EML6: variants seen among roughly 807,000 people sequenced by gnomAD.
EML6 encodes the protein EMAP like 6.
Under a neutral mutation model 240.1 loss-of-function variants are expected in EML6, and 154 were observed. That is an observed-to-expected ratio of 0.64 (90% CI 0.56 to 0.73). The LOEUF (loss-of-function observed/expected upper bound fraction) is 0.73, where lower values mean the gene tolerates loss of function less well. EML6 is among the 30% of genes least tolerant of loss of function. EML6 has a pLI of 0.00. For synonymous variants in EML6, 1,148 were observed against 899.0 expected, an observed-to-expected ratio of 1.28 and a Z score of -4.95; for missense variants, 2,964 against 2,474.6, an observed-to-expected ratio of 1.20 and a Z score of -4.20.
At chr2:54,780,929 A>G (rs957098018) in intron 2 of EML6, among the ~76,000 whole-genome samples, 3 of 152,204 alleles carry the variant, frequency 2.0e-5, no homozygotes, top group African/African-American at 7.2e-5. Context: ...ATGCTTATTT[A>G]TAATTCTTTG....
intron 2 of EML6, among the ~76,000 whole-genome samples, chr2:54,800,212 T>C (rs1670053098): frequency 6.6e-6 from 1 of 152,158 alleles, no homozygotes; most frequent in South Asian, 2.1e-4. Context: ...ACTACTGCAC[T>C]CCAGCCTGAC....
In EML6 at chr2:54,724,814, C is replaced by G. The variant is rs1682828512; in HGVS notation, c.-248C>G. The G allele has an allele frequency of 6.1e-6, 1 of 163,824 alleles. No homozygotes were observed. Among genetic ancestry groups the G allele is most frequent in the South Asian group, 2.0e-4 (1 of 4,986 alleles). 10.1% of individuals were successfully genotyped at this position (163,824 alleles called of 1,614,324 possible). On this transcript the variant is annotated 5_prime_UTR_variant, in exon 2 of 42. Transcript: ENST00000356458. This position sits in a 1 kb window ranked among gnomAD's most constrained non-coding sequence, Gnocchi z 5.2. Reference sequence around the variant, plus strand: ...CCGGTGCCGGCGCCCCCAGAGCCGCCTTGCCCGGGTAGAGGGAGCCCGGCG... The same window carrying G: ...CCGGTGCCGGCGCCCCCAGAGCCGCGTTGCCCGGGTAGAGGGAGCCCGGCG...
chr2:54,888,541 G>T (rs1334443441), intron 17 of EML6, among the ~76,000 whole-genome samples: 3 of 152,036 alleles, frequency 2.0e-5, no homozygotes, highest in African/African-American at 7.3e-5. Flanking sequence ...TCTGTATACT[G>T]TGGCAACCAC....
intron 12 of EML6, among the ~76,000 whole-genome samples, chr2:54,861,183 C>T (rs893428836): frequency 2.6e-5 from 4 of 152,168 alleles, no homozygotes; most frequent in Non-Finnish European, 5.9e-5. Context: ...ACTTCATGAG[C>T]CTTTGCTCTG....
chr2:54,803,312 C>T (rs1452472966), intron 2 of EML6, among the ~76,000 whole-genome samples: 1 of 152,166 alleles, frequency 6.6e-6, no homozygotes, highest in Admixed American at 6.5e-5. Flanking sequence ...TCAAACTTGG[C>T]TTCCTTAGAA....
chr2:54,793,688 C>A (rs1036962012), intron 2 of EML6, among the ~76,000 whole-genome samples: 10 of 152,088 alleles, frequency 6.6e-5, no homozygotes, highest in African/African-American at 2.4e-4. Flanking sequence ...GAAACATTGG[C>A]CAGTTTTCCT....
chr2:54,903,454 T>C lies in EML6; in HGVS notation c.3361T>C (p.Cys1121Arg). Reference protein sequence around the residue: ...NVLTSKRVGICKGASSYITHI... With the variant: ...NVLTSKRVGIRKGASSYITHI... ...ACTTACAAGCAAAAGGGTTGGCATC[T>C]GTAAAGGTGCTTCTAGTTATATTAC... Residue 1121 changes from cysteine to arginine, a missense_variant, in exon 24 of 42, where the codon TGT (cysteine) becomes CGT (arginine). Coordinates refer to ENST00000356458, the MANE Select transcript of EML6 (RefSeq NM_001039753.4). The C allele has an allele frequency of 6.4e-7, 1 of 1,552,042 alleles. No homozygotes were observed. The highest frequency in any genetic ancestry group is 8.7e-7 in the Non-Finnish European group (1 of 1,146,988).
intron 17 of EML6, 61 bp from the exon 18 acceptor site, chr2:54,890,993 T>C: frequency 1.2e-6 from 1 of 803,500 alleles, no homozygotes; most frequent in Non-Finnish European, 1.9e-6. Context: ...TGCATGCTTT[T>C]AATAAAACTG....
At position 54,820,468 on chromosome 2, in the gene EML6, G is replaced by C; in HGVS notation, c.525+6G>C. 1 of 1,529,490 alleles carries C rather than the reference G, an allele frequency of 6.5e-7. No homozygotes were observed. Among genetic ancestry groups the C allele is most frequent in the Non-Finnish European group, 8.8e-7 (1 of 1,131,496 alleles). 94.7% of individuals were successfully genotyped at this position (1,529,490 alleles called of 1,614,324 possible). A position where few individuals can be genotyped will look rare whatever the true frequency, so the allele number is the denominator to read the frequency against. ...GTGGAGTAAAACACATAAAGGTAAA[G>C]CTTTTTGTTTTTTAATTTTGGTACC... On this transcript the variant is annotated splice_donor_region_variant and intron_variant, in intron 5 of 41. Coordinates refer to ENST00000356458, the MANE Select transcript of EML6 (RefSeq NM_001039753.4).
chr2:54,953,027 TC>T (rs986577058), intron 31 of EML6, among the ~76,000 whole-genome samples: 2 of 152,160 alleles, frequency 1.3e-5, no homozygotes, highest in African/African-American at 4.8e-5. Context: ...AGGGTAGGTT[TC>T]AGTAAGTGTG....
intron 2 of EML6, among the ~76,000 whole-genome samples, chr2:54,796,671 A>T (rs1669796033): frequency 1.3e-5 from 2 of 152,186 alleles, no homozygotes; most frequent in Admixed American, 1.3e-4. Flanking sequence ...AAAGACTTAC[A>T]GAAACAGGGA....
intron 21 of EML6, among the ~76,000 whole-genome samples, 156 bp from the exon 22 acceptor site, chr2:54,899,485 C>T (rs376466992): frequency 2.6e-5 from 4 of 152,124 alleles, no homozygotes; most frequent in South Asian, 2.1e-4. Context: ...AAAATTATTT[C>T]GGGTGATGAT....
At chr2:54,789,531 A>AC (rs1363495144) in intron 2 of EML6, among the ~76,000 whole-genome samples, 2 of 140,716 alleles carry the variant, frequency 1.4e-5, no homozygotes, top group African/African-American at 2.9e-5. Context: ...AAAAAAAAAA[A>AC]AAAAAAAAAA....
chr2:54,759,580 T>G (rs1242005896), intron 2 of EML6, among the ~76,000 whole-genome samples: 1 of 152,074 alleles, frequency 6.6e-6, no homozygotes, highest in Non-Finnish European at 1.5e-5. Context: ...AATTCAGACA[T>G]AAATTAGCAA....
At chr2:54,952,755 T>A in intron 31 of EML6, 63 bp downstream of exon 31, 1 of 1,134,626 alleles carries the variant, frequency 8.8e-7, no homozygotes, top group African/African-American at 1.5e-5. Flanking sequence ...TGTCAGCAAT[T>A]ATTGGGAGAG....
At chr2:54,966,799 G>C in intron 38 of EML6, 1 of 411,292 alleles carries the variant, frequency 2.4e-6, no homozygotes, top group Non-Finnish European at 4.5e-6. Context: ...GCGAGAAAAT[G>C]GATGAGAAGA....
chr2:54,820,659 A>G (rs1369084774), intron 5 of EML6, among the ~76,000 whole-genome samples, 197 bp downstream of exon 5: 1 of 152,334 alleles, frequency 6.6e-6, no homozygotes, highest in East Asian at 1.9e-4. Context: ...CAAAGTAATG[A>G]CAATCAAGTG....
intron 28 of EML6, among the ~76,000 whole-genome samples, chr2:54,948,246 C>T (rs939296803): frequency 2.6e-5 from 4 of 152,126 alleles, no homozygotes; most frequent in African/African-American, 9.7e-5. Context: ...GGAAAAGCAA[C>T]CTTTGGTGTG....
intron 2 of EML6, among the ~76,000 whole-genome samples, chr2:54,732,888 T>C (rs961482409): frequency 6.6e-6 from 1 of 152,264 alleles, no homozygotes; most frequent in Non-Finnish European, 1.5e-5. Flanking sequence ...GTTTTTGCTT[T>C]TTAAAAATGA....
Sources: allele counts gnomAD v4.1 joint callset (sites outside exome capture counted in the v4.1 genomes callset), GRCh38; gene constraint gnomAD v4.1.1; non-coding constraint Gnocchi (gnomAD v3.1); transcripts MANE v1.5; gene names NCBI Gene and HGNC (gene_info 2026-07-23, HGNC 2026-07-21).